The following NDRG1 variants were observed in gnomAD, a reference collection of about 807,000 sequenced individuals.
NDRG1 encodes protein NDRG1.
In NDRG1, 32 loss-of-function variants were observed where a neutral mutation model predicts 56.9. The ratio of observed to expected loss-of-function variants is 0.56; its 90% CI spans 0.42 to 0.76. The LOEUF is 0.76. Among genes scored for constraint, NDRG1 ranks in the 30% least tolerant of loss-of-function variants. NDRG1 has a pLI of 0.00. For synonymous variants in NDRG1, 211 were observed against 204.1 expected, an observed-to-expected ratio of 1.03 and a Z score of -0.29; for missense variants, 507 against 545.7, an observed-to-expected ratio of 0.93 and a Z score of 0.71.
chr8:133,267,305 C>T (rs964272188), intron 3 of NDRG1, among the ~76,000 whole-genome samples: 7 of 152,192 alleles, frequency 4.6e-5, no homozygotes, highest in Non-Finnish European at 1.0e-4. Flanking sequence ...GGCACAGGGA[C>T]GCAGCAGTGG....
intron 15 of NDRG1, chr8:133,239,567 G>T: frequency 4.8e-6 from 1 of 207,656 alleles, no homozygotes. Context: ...ATCACAGGTG[G>T]GGAAAGGGAG....
Position 133,238,428 on chromosome 8 carries a change from T to G in NDRG1, c.*450A>C. 1 of 250,282 alleles carries G rather than the reference T, an allele frequency of 4.0e-6. No individual in the cohort carries two copies. Among genetic ancestry groups the G allele is most frequent in the Non-Finnish European group, 7.7e-6 (1 of 129,172 alleles). 15.5% of individuals were successfully genotyped at this position (250,282 alleles called of 1,614,324 possible). On this transcript the variant is annotated 3_prime_UTR_variant, in exon 16 of 16. Coordinates refer to ENST00000323851, the MANE Select transcript of NDRG1 (RefSeq NM_006096.4). ...CCCCCCTCCCCAAATGAGAAAAGGA[T>G]TTTGTTTCCGGAAACTGGATCAGCT... is the stretch of plus-strand genomic sequence containing the variant.
At chr8:133,248,671 G>A (rs779765074) in intron 11 of NDRG1, 44 bp downstream of exon 11, 3 of 1,609,752 alleles carry the variant, frequency 1.9e-6, no homozygotes, top group East Asian at 4.5e-5. Context: ...CTTTATAGTG[G>A]GCAGCCCCGA....
intron 4 of NDRG1, among the ~76,000 whole-genome samples, chr8:133,263,275 A>G (rs773763045): frequency 1.3e-5 from 2 of 152,248 alleles, no homozygotes; most frequent in East Asian, 1.9e-4. Context: ...AGTGGATTTC[A>G]GTGACACCAT....
chr8:133,278,592 A>G (rs1857590045), intron 3 of NDRG1, among the ~76,000 whole-genome samples: 1 of 152,158 alleles, frequency 6.6e-6, no homozygotes, highest in South Asian at 2.1e-4. Flanking sequence ...AGGCAGAGCT[A>G]GGTGTGGCTC....
chr8:133,290,609 C>T (rs765643386), intron 1 of NDRG1, among the ~76,000 whole-genome samples: 3 of 152,170 alleles, frequency 2.0e-5, no homozygotes, highest in Non-Finnish European at 2.9e-5. Flanking sequence ...CCAGATACAA[C>T]GTTGTAAGGT....
chr8:133,288,213 G>A (rs1166225495), intron 1 of NDRG1: 4 of 152,310 alleles, frequency 2.6e-5, no homozygotes, highest in Admixed American at 6.5e-5. Context: ...CTTCATTCAC[G>A]GAGGAGGGGG....
intron 5 of NDRG1, among the ~76,000 whole-genome samples, chr8:133,259,794 G>A (rs772945072): frequency 1.3e-5 from 2 of 152,216 alleles, no homozygotes; most frequent in Non-Finnish European, 2.9e-5. Context: ...ACCAGGACAG[G>A]AGCCAGCCCT....
intron 9 of NDRG1, among the ~76,000 whole-genome samples, chr8:133,254,311 G>A (rs1856247214): frequency 6.6e-6 from 1 of 152,180 alleles, no homozygotes; most frequent in African/African-American, 2.4e-5. Flanking sequence ...AATATGTGCA[G>A]TTAATTGTAC....
chr8:133,248,630 C>A, intron 11 of NDRG1, 85 bp downstream of exon 11: 1 of 1,472,010 alleles, frequency 6.8e-7, no homozygotes, highest in Admixed American at 1.7e-5. Context: ...TCCTGCCACA[C>A]TCAGAAAGAA....
At chr8:133,282,176 C>T (rs10505606) in intron 2 of NDRG1, among the ~76,000 whole-genome samples, 42,134 of 152,014 alleles carry the variant, frequency 0.28, 6,708 homozygotes, top group African/African-American at 0.41. Context: ...GTAGGCTGCC[C>T]GAAATAAATA....
chr8:133,280,398 C>T lies in NDRG1; in HGVS notation c.64-131G>A. 6.1e-6 allele frequency: 5 copies of T among 814,166 alleles called. No individual in the cohort carries two copies. In the South Asian group the frequency reaches 7.7e-5, roughly 12 times the overall value. The allele number at this position is 814,166 out of a possible 1,614,324, so 50.4% of individuals were successfully genotyped here. ...CCTCCTTTGTGGGGTCTCCTTAATT[C>T]CTCACAAAGGCAGGCTTTCCTTTTC... On this transcript the variant is annotated intron_variant, in intron 2 of 15. Coordinates refer to ENST00000323851, the MANE Select transcript of NDRG1 (RefSeq NM_006096.4).
intron 5 of NDRG1, 142 bp from the exon 6 acceptor site, chr8:133,259,372 G>A (rs1412951250): frequency 1.2e-5 from 9 of 772,714 alleles, no homozygotes; most frequent in Non-Finnish European, 2.0e-5. Flanking sequence ...TAGTCCCTTC[G>A]CATCCTCCTT....
intron 10 of NDRG1, 64 bp from the exon 11 acceptor site, chr8:133,248,835 T>C (rs1855848378): frequency 1.9e-6 from 3 of 1,591,870 alleles, no homozygotes; most frequent in Non-Finnish European, 8.6e-7. Context: ...CCCACTCCCA[T>C]CCAGCCAAGC....
Position 133,238,534 on chromosome 8 carries a change from G to A in NDRG1, c.*344C>T, listed in dbSNP as rs1327343095. 7.2e-5 allele frequency: 25 copies of A among 347,424 alleles called. No individual in the cohort carries two copies. In the East Asian group the frequency reaches 9.5e-4, roughly 13 times the overall value. The allele number at this position is 347,424 out of a possible 1,614,324, so 21.5% of individuals were successfully genotyped here. On this transcript the variant is annotated 3_prime_UTR_variant, in exon 16 of 16. Transcript: ENST00000323851. ...CCGTTTGAACCAGGATGCTCAGGGC[G>A]GCCTAGGCTTGGCTTTGTGAAGTGT... is the stretch of plus-strand genomic sequence containing the variant.
chr8:133,248,859 C>T, intron 10 of NDRG1, 88 bp from the exon 11 acceptor site: 1 of 1,474,224 alleles, frequency 6.8e-7, no homozygotes, highest in East Asian at 2.3e-5. Flanking sequence ...GGAGGTCCTG[C>T]CAGTGGCCAT....
In NDRG1 at chr8:133,264,562, C is replaced by T. The variant is rs771703350; in HGVS notation, c.190G>A (p.Asp64Asn). ...GNRPVILTYH[D>N]IGMNHKTCYN... Reference sequence around the variant, plus strand: ...CAGAACTTACGGTTCATGCCGATGTCATGGTAGGTGAGGATGACAGGCCGG... The same window carrying T: ...CAGAACTTACGGTTCATGCCGATGTTATGGTAGGTGAGGATGACAGGCCGG... The change falls in exon 4 of 16, where the codon GAC (aspartate) becomes AAC (asparagine). Residue 64 changes from aspartate to asparagine, a missense_variant. Asp to Asn is a conservative substitution (Grantham distance 23). Transcript: ENST00000323851. The T allele has an allele frequency of 6.2e-7, 1 of 1,614,188 alleles. No individual in the cohort carries two copies. Among genetic ancestry groups the T allele is most frequent in the South Asian group, 1.1e-5 (1 of 91,080 alleles).
At chr8:133,239,921 G>A (rs1404963066) in intron 15 of NDRG1, 2 of 152,338 alleles carry the variant, frequency 1.3e-5, no homozygotes, top group African/African-American at 2.4e-5. Context: ...TGGGTTGAGA[G>A]GGAACCCTAA....
At chr8:133,250,295 C>T in intron 10 of NDRG1, 145 bp downstream of exon 10, 1 of 791,030 alleles carries the variant, frequency 1.3e-6, no homozygotes, top group Non-Finnish European at 2.2e-6. Flanking sequence ...TTCCTGGGGA[C>T]ACCTGTCCTA....
Sources: allele counts gnomAD v4.1 joint callset (sites outside exome capture counted in the v4.1 genomes callset), GRCh38; gene constraint gnomAD v4.1.1; transcripts MANE v1.5; gene names NCBI Gene and HGNC (gene_info 2026-07-23, HGNC 2026-07-21).